The following MYO7A variants were observed in gnomAD, a reference collection of about 807,000 sequenced individuals.
MYO7A encodes the protein unconventional myosin-VIIa.
In MYO7A, 210 loss-of-function variants were observed where a neutral mutation model predicts 263.8. The observed-to-expected ratio is 0.80, with a 90% CI of 0.71 to 0.89. MYO7A has a LOEUF of 0.89. MYO7A is among the 40% of genes least tolerant of loss of function. The pLI, the probability that MYO7A is intolerant of heterozygous loss-of-function variation, is 0.00. For missense variants in MYO7A, 2,820 were observed against 2,968.3 expected (o/e 0.95, Z 1.16); for synonymous variants, 1,239 against 1,197.3 (o/e 1.03, Z -0.72).
Position 77,211,852 on chromosome 11 carries a change from G to C in MYO7A, c.6269G>C (p.Gly2090Ala), listed in dbSNP as rs747550860. The change falls in exon 46 of 49, where the codon GGG becomes GCG. Residue 2090 changes from glycine to alanine, a missense_variant. Gly to Ala is a moderately conservative substitution (Grantham distance 60, BLOSUM62 0). Coordinates refer to ENST00000409709, the MANE Select transcript of MYO7A (RefSeq NM_000260.4). Reference protein sequence around the residue: ...SIVAYFNKHAGKSKEEAKLAF... With the variant: ...SIVAYFNKHAAKSKEEAKLAF... ...GTCGCCTACTTCAACAAGCACGCAGGGAAGTCCAAGGAGGAGGCCAAGCTG... is the reference window on the plus strand; with the variant it reads ...GTCGCCTACTTCAACAAGCACGCAGCGAAGTCCAAGGAGGAGGCCAAGCTG... 20 of 1,613,846 alleles carry C rather than the reference G, an allele frequency of 1.2e-5. No homozygotes were observed. The highest frequency in any genetic ancestry group is 1.6e-5 in the Non-Finnish European group (19 of 1,179,878).
At chr11:77,212,803 G>A in intron 46 of MYO7A, 149 bp from the exon 47 acceptor site, 1 of 683,508 alleles carries the variant, frequency 1.5e-6, no homozygotes, top group South Asian at 1.7e-5. Flanking sequence ...AGCGGAGGTG[G>A]AAGCCATAGG....
intron 20 of MYO7A, 105 bp from the exon 21 acceptor site, chr11:77,179,630 G>T: frequency 9.9e-7 from 1 of 1,011,872 alleles, no homozygotes; most frequent in Non-Finnish European, 1.4e-6. Context: ...CGCCTTCTGG[G>T]GGTGCCTGTC....
At chr11:77,189,048 T>A (rs895322924) in intron 27 of MYO7A, among the ~76,000 whole-genome samples, 1 of 152,178 alleles carries the variant, frequency 6.6e-6, no homozygotes, top group Admixed American at 6.5e-5. Context: ...CCTGTGGCTG[T>A]GGCTGCGGCT....
chr11:77,193,893 G>A (rs1956434976), intron 31 of MYO7A: 4 of 411,656 alleles, frequency 9.7e-6, no homozygotes, highest in South Asian at 5.3e-5. Context: ...AGTGCTTAAC[G>A]GTGGTAATGG....
Position 77,214,765 on chromosome 11 carries a change from C to T in MYO7A, c.*69C>T. The T allele has an allele frequency of 7.7e-7, 1 of 1,292,194 alleles. No homozygotes were observed. Among genetic ancestry groups the T allele is most frequent in the Non-Finnish European group, 1.1e-6 (1 of 919,312 alleles). 80.0% of individuals were successfully genotyped at this position (1,292,194 alleles called of 1,614,324 possible). A position where few individuals can be genotyped will look rare whatever the true frequency, so the allele number is the denominator to read the frequency against. ...GCAGTGGGTTCAGGCCCATCAGCTA[C>T]CCCTGCAGCTGGGGAAGACTTATGC... is the stretch of plus-strand genomic sequence containing the variant. On this transcript the variant is annotated 3_prime_UTR_variant, in exon 49 of 49. Transcript: ENST00000409709.
In MYO7A at chr11:77,138,233, G is replaced by A. The variant is rs1016510113; in HGVS notation, c.19-4476G>A. On this transcript the variant is annotated intron_variant, in intron 2 of 48. Coordinates refer to ENST00000409709, the MANE Select transcript of MYO7A (RefSeq NM_000260.4). The surrounding 1 kb of genome is among the most constrained non-coding windows in gnomAD (Gnocchi z 4.9). ...CCCGCAGCAGATGGCCCGGTTTAGGGTTCCGGGGCGGGCGGCGCGCACGGG... is the reference window on the plus strand; with the variant it reads ...CCCGCAGCAGATGGCCCGGTTTAGGATTCCGGGGCGGGCGGCGCGCACGGG... Among the ~76,000 whole-genome samples, 1 of 152,098 alleles carries A rather than the reference G, an allele frequency of 6.6e-6. No homozygotes were observed. Among genetic ancestry groups the A allele is most frequent in the Non-Finnish European group, 1.5e-5 (1 of 68,022 alleles).
intron 2 of MYO7A, among the ~76,000 whole-genome samples, chr11:77,132,651 A>G (rs782250724): frequency 1.3e-5 from 2 of 151,996 alleles, no homozygotes; most frequent in African/African-American, 2.4e-5. Flanking sequence ...ACCACGTCCA[A>G]CTAATTTTTG....
At chr11:77,207,492 G>A in intron 42 of MYO7A, 90 bp downstream of exon 42, 1 of 986,548 alleles carries the variant, frequency 1.0e-6, no homozygotes, top group Non-Finnish European at 1.6e-6. Flanking sequence ...GGAACTGGGG[G>A]AGAGAGGGGA....
chr11:77,197,211 T>A (rs1465000988), intron 32 of MYO7A, among the ~76,000 whole-genome samples: 1 of 152,224 alleles, frequency 6.6e-6, no homozygotes, highest in Admixed American at 6.5e-5. Context: ...TCTGCTGAAC[T>A]GGGAACTCCC....
intron 27 of MYO7A, among the ~76,000 whole-genome samples, chr11:77,187,247 C>T (rs1048084313): frequency 6.6e-6 from 1 of 152,186 alleles, no homozygotes; most frequent in Non-Finnish European, 1.5e-5. Flanking sequence ...GAAGTGAGCA[C>T]ATGCTGTTGG....
intron 4 of MYO7A, among the ~76,000 whole-genome samples, 170 bp downstream of exon 4, chr11:77,148,120 C>G (rs1239879064): frequency 6.6e-6 from 1 of 152,188 alleles, no homozygotes; most frequent in Non-Finnish European, 1.5e-5. Flanking sequence ...GCCCATCTGC[C>G]GGCAGCCGCT....
intron 19 of MYO7A, 103 bp downstream of exon 19, chr11:77,177,746 C>A: frequency 3.3e-6 from 3 of 900,822 alleles, no homozygotes; most frequent in East Asian, 2.7e-5. Context: ...AGGAAAAAAA[C>A]GTGTTCACCT....
intron 31 of MYO7A, among the ~76,000 whole-genome samples, chr11:77,192,887 AGGT>A (rs1956214050): frequency 8.5e-6 from 1 of 118,238 alleles, no homozygotes. Flanking sequence ...ATGGTGGAGG[AGGT>A]AGTGATGGTG....
chr11:77,203,281 C>A, intron 38 of MYO7A, 64 bp downstream of exon 38: 1 of 1,511,300 alleles, frequency 6.6e-7, no homozygotes, highest in South Asian at 1.2e-5. Flanking sequence ...CGTCTGCACA[C>A]TGCCTTCCTC....
rs560293591 is a variant in MYO7A, at chr11:77,208,721, A to G, written c.5969A>G (p.Gln1990Arg). The G allele has an allele frequency of 1.7e-4, 276 of 1,587,174 alleles. 5 individuals carry two copies. The South Asian group carries it at 2.9e-3, about 17-fold the overall frequency. The change falls in exon 44 of 49, where the codon CAG becomes CGG. Residue 1990 changes from glutamine to arginine, a missense_variant. Coordinates refer to ENST00000409709, the MANE Select transcript of MYO7A (RefSeq NM_000260.4). The stretch of plus-strand genomic sequence containing the variant: ...GGAATTGTGCCCTCACTCACCTACC[A>G]GGTGTTCTTCATGAAGAAGCTGTGG... ...KDGIVPSLTYQVFFMKKLWTT... is the reference protein window; with the variant it reads ...KDGIVPSLTYRVFFMKKLWTT...
chr11:77,204,009 T>C (rs1957257774), intron 38 of MYO7A, 67 bp from the exon 39 acceptor site: 2 of 1,480,982 alleles, frequency 1.4e-6, no homozygotes, highest in Admixed American at 2.1e-5. Flanking sequence ...CTGTGGGAAG[T>C]GGGGCCTCCG....
chr11:77,188,829 T>C (rs1373536105), intron 27 of MYO7A, among the ~76,000 whole-genome samples: 1 of 152,194 alleles, frequency 6.6e-6, no homozygotes, highest in African/African-American at 2.4e-5. Flanking sequence ...TACAGAAATA[T>C]ACCAGAGACA....
chr11:77,177,525 C>T (rs781798605), intron 18 of MYO7A, 24 bp from the exon 19 acceptor site: 6 of 1,589,640 alleles, frequency 3.8e-6, no homozygotes, highest in South Asian at 1.1e-5. Context: ...TTGTGGGGCG[C>T]TGCTCAGGAG....
chr11:77,172,783 C>T lies in MYO7A; in HGVS notation c.1833C>T (p.Ser611=). 6.4e-7 allele frequency: 1 copy of T among 1,560,314 alleles called. No homozygotes were observed. The highest frequency in any genetic ancestry group is 1.2e-5 in the South Asian group (1 of 84,348). ...CCAGGAAGCGCTCGCCCACACTTAG[C>T]AGCCAGTTCAAGCGGTCACTGGAGC... ...AETRKRSPTL[S]SQFKRSLELL... The change falls in exon 16 of 49, where the codon AGC becomes AGT. Residue 611 remains serine (S), a synonymous_variant. Transcript: ENST00000409709.
Sources: gnomAD v4.1 joint callset for allele counts (sites outside exome capture counted in the v4.1 genomes callset) on GRCh38, gnomAD v4.1.1 for gene constraint, Gnocchi (gnomAD v3.1) non-coding constraint, MANE v1.5 for transcripts, NCBI Gene and HGNC (gene_info 2026-07-23, HGNC 2026-07-21) for gene names.